The following PFKFB3 variants were observed in gnomAD, a reference collection of about 807,000 sequenced individuals.
The protein encoded by PFKFB3 is 6-phosphofructo-2-kinase/fructose-2,6-bisphosphatase 3.
In PFKFB3, 33 loss-of-function variants were observed where a neutral mutation model predicts 68.0. That is an observed-to-expected ratio of 0.49 (90% CI 0.37 to 0.65). The LOEUF (loss-of-function observed/expected upper bound fraction) is 0.65. Ranked by LOEUF, PFKFB3 falls within the 30% of genes least tolerant of loss-of-function variation. The pLI, the probability that PFKFB3 is intolerant of heterozygous loss-of-function variation, is 0.00. For synonymous variants in PFKFB3, 315 were observed against 288.2 expected (o/e 1.09, Z -0.94); for missense variants, 586 against 712.2 (o/e 0.82, Z 2.02).
chr10:6,281,592 T>C, the PFKFB3 span, among the ~76,000 whole-genome samples: 3 of 151,898 alleles, frequency 2.0e-5, no homozygotes, highest in Non-Finnish European at 4.4e-5. Flanking sequence ...CCACTGTTTT[T>C]CCCCCACCCT....
At chr10:6,231,231 T>G in intron 14 of PFKFB3, 1 of 1,361,148 alleles carries the variant, frequency 7.3e-7, no homozygotes, top group Non-Finnish European at 1.1e-6. Flanking sequence ...TTTTCCAACC[T>G]GTTTCTTCCT....
In PFKFB3 at chr10:6,234,508, A is replaced by C. The variant is rs1845916514; in HGVS notation, c.*1566A>C. On this transcript the variant is annotated 3_prime_UTR_variant, in exon 15 of 15. Transcript: ENST00000379775. ...GGGGGATTTTCATGCTGAACCATTC[A>C]AGCCCTCCCCGCCCGTTGCACCCAC... 1.3e-5 allele frequency: 2 copies of C among 152,196 alleles called. No homozygotes were observed. The highest frequency in any genetic ancestry group is 1.3e-4 in the Admixed American group (2 of 15,268). 9.4% of individuals were successfully genotyped at this position (152,196 alleles called of 1,614,324 possible).
chr10:6,261,571 A>G, the PFKFB3 span, among the ~76,000 whole-genome samples: 2 of 152,120 alleles, frequency 1.3e-5, no homozygotes, highest in African/African-American at 4.8e-5. Flanking sequence ...AAAGATAACT[A>G]TTTTGGGCTG....
intron 14 of PFKFB3, among the ~76,000 whole-genome samples, chr10:6,248,151 A>G (rs1406399032): frequency 6.6e-6 from 1 of 152,030 alleles, no homozygotes; most frequent in Admixed American, 6.5e-5. Context: ...ATGAAAACTG[A>G]CCTTTTCTTT....
At chr10:6,319,545 G>T in the PFKFB3 span, among the ~76,000 whole-genome samples, 1 of 152,040 alleles carries the variant, frequency 6.6e-6, no homozygotes, top group Non-Finnish European at 1.5e-5. Flanking sequence ...TATCTATTGG[G>T]TGCAATATTC....
chr10:6,259,210 T>TCCATCCATCCATCCAC (rs1846517499), downstream of PFKFB3, among the ~76,000 whole-genome samples: 3 of 149,332 alleles, frequency 2.0e-5, no homozygotes, highest in African/African-American at 4.9e-5. Flanking sequence ...CATCCATCCA[T>TCCATCCATCCATCCAC]CCATCCATCC....
intron 1 of PFKFB3, among the ~76,000 whole-genome samples, chr10:6,173,922 C>T (rs1588419717): frequency 1.3e-5 from 2 of 151,782 alleles, no homozygotes; most frequent in Non-Finnish European, 2.9e-5. Flanking sequence ...AAACGGGAGG[C>T]GGGGAGGAAG....
At chr10:6,285,632 G>T in the PFKFB3 span, among the ~76,000 whole-genome samples, 10 of 152,128 alleles carry the variant, frequency 6.6e-5, no homozygotes, top group African/African-American at 2.4e-4. Flanking sequence ...TTGACTCTGG[G>T]TACAATGTTA....
At position 6,220,457 on chromosome 10, in the gene PFKFB3, G is replaced by T. The variant is rs185037130; in HGVS notation, c.624-201G>T. Among the ~76,000 whole-genome samples, 542 of 152,242 alleles carry T rather than the reference G, an allele frequency of 3.6e-3. 4 individuals carry two copies. The highest frequency in any genetic ancestry group is 4.3e-3 in the Non-Finnish European group (290 of 68,018). ...TTTCTCCCCCTTTTCTGGGAGGCAG[G>T]CCAGCCTCACAGCCAGACACCAGCT... On this transcript the variant is annotated intron_variant, in intron 7 of 14. Transcript: ENST00000379775. This position sits in a 1 kb window ranked among gnomAD's most constrained non-coding sequence, Gnocchi z 4.1.
At chr10:6,148,316 A>G (rs1208380435) in intron 1 of PFKFB3, among the ~76,000 whole-genome samples, 1 of 152,222 alleles carries the variant, frequency 6.6e-6, no homozygotes, top group Non-Finnish European at 1.5e-5. Flanking sequence ...GCTGGCTAGA[A>G]TGGAGCCAGA....
At chr10:6,275,732 A>G in the PFKFB3 span, among the ~76,000 whole-genome samples, 1 of 152,136 alleles carries the variant, frequency 6.6e-6, no homozygotes, top group Non-Finnish European at 1.5e-5. This position sits in a 1 kb window ranked among gnomAD's most constrained non-coding sequence, Gnocchi z 4.9. Context: ...CTCCTGCCTC[A>G]GCCTCCTGAG....
At chr10:6,310,378 T>C in the PFKFB3 span, among the ~76,000 whole-genome samples, 3 of 152,158 alleles carry the variant, frequency 2.0e-5, no homozygotes, top group Non-Finnish European at 4.4e-5. Flanking sequence ...TGGGAAATGG[T>C]GTCCCTGTCC....
chr10:6,318,668 T>C, the PFKFB3 span, among the ~76,000 whole-genome samples: 3 of 152,158 alleles, frequency 2.0e-5, no homozygotes, highest in Non-Finnish European at 4.4e-5. Flanking sequence ...TGCTCCACTG[T>C]GGAAAAATCC....
Position 6,228,182 on chromosome 10 carries a change from C to T in PFKFB3, c.1515+1817C>T, listed in dbSNP as rs771083882. ...GCCTCCTGACTGACTTCTCTCTCTG[C>T]TTCTCCTCCGCAGCCTTTGCTAGGG... is the stretch of plus-strand genomic sequence containing the variant. On this transcript the variant is annotated intron_variant, in intron 14 of 14. Transcript: ENST00000379775. This position sits in a 1 kb window ranked among gnomAD's most constrained non-coding sequence, Gnocchi z 4.5. 1 of 1,612,802 alleles carries T rather than the reference C, an allele frequency of 6.2e-7. No homozygotes were observed. The highest frequency in any genetic ancestry group is 2.2e-5 in the East Asian group (1 of 44,878).
At chr10:6,207,900 A>G (rs1164471825) in intron 1 of PFKFB3, among the ~76,000 whole-genome samples, 1 of 152,184 alleles carries the variant, frequency 6.6e-6, no homozygotes, top group African/African-American at 2.4e-5. Flanking sequence ...CGTCACTAAA[A>G]TTCAAGAGCC....
In PFKFB3 at chr10:6,203,136, A is replaced by G; in HGVS notation, c.-125A>G. On this transcript the variant is annotated 5_prime_UTR_variant, in exon 1 of 15. Transcript: ENST00000379775. ...AGCACGTTTCCCCTGGCAGCGCAGG[A>G]AACGCCCGGCCGCGCGCCGGCGCAC... 6.7e-7 allele frequency: 1 copy of G among 1,495,482 alleles called. No homozygotes were observed. Among genetic ancestry groups the G allele is most frequent in the Admixed American group, 2.4e-5 (1 of 40,886 alleles). 92.6% of individuals were successfully genotyped at this position (1,495,482 alleles called of 1,614,324 possible). A position where few individuals can be genotyped will look rare whatever the true frequency, so the allele number is the denominator to read the frequency against.
In PFKFB3 at chr10:6,219,571, A is replaced by T. The variant is rs1417038743; in HGVS notation, c.501A>T (p.Glu167Asp). 1.2e-6 allele frequency: 2 copies of T among 1,614,056 alleles called. No homozygotes were observed. The highest frequency in any genetic ancestry group is 2.2e-5 in the South Asian group (2 of 91,074). ...GCCACCCCTTTGTGGTGTTGCAGGA[A>T]GTTAAAATCTCCAGCCCGGATTACA... Reference protein sequence around the residue: ...DPTVVASNIMEVKISSPDYKD... With the variant: ...DPTVVASNIMDVKISSPDYKD... The change falls in exon 7 of 15, where the codon GAA becomes GAT. Residue 167 changes from glutamate (E) to aspartate (D), a missense_variant and splice_region_variant. Physicochemically the swap from Glu to Asp is conservative, Grantham distance 45. Coordinates refer to ENST00000379775, the MANE Select transcript of PFKFB3 (RefSeq NM_004566.4).
At chr10:6,217,493 G>C (rs905504803) in intron 6 of PFKFB3, among the ~76,000 whole-genome samples, 3 of 152,250 alleles carry the variant, frequency 2.0e-5, no homozygotes, top group Non-Finnish European at 4.4e-5. Flanking sequence ...TAGTGGTGAT[G>C]GAGCTGCTGG....
chr10:6,297,292 G>A, the PFKFB3 span, among the ~76,000 whole-genome samples: 24 of 152,214 alleles, frequency 1.6e-4, no homozygotes, highest in Admixed American at 1.4e-3. Context: ...AAGCAATTGT[G>A]TGTAGGTTCC....
Sources: allele counts gnomAD v4.1 joint callset (sites outside exome capture counted in the v4.1 genomes callset), GRCh38; gene constraint gnomAD v4.1.1; non-coding constraint Gnocchi (gnomAD v3.1); transcripts MANE v1.5; gene names NCBI Gene and HGNC (gene_info 2026-07-23, HGNC 2026-07-21).